Variants in DNMBP observed in about 807,000 individuals in gnomAD.
DNMBP encodes dynamin-binding protein.
In DNMBP, 87 loss-of-function variants were observed where a neutral mutation model predicts 150.0. The ratio of observed to expected loss-of-function variants is 0.58; its 90% confidence interval spans 0.49 to 0.69. The LOEUF is 0.69. DNMBP is among the 30% of genes least tolerant of loss of function. DNMBP has a pLI of 0.00. For missense variants in DNMBP, 1,774 were observed against 1,949.0 expected (o/e 0.91, Z 1.69); for synonymous variants, 711 against 750.4 (o/e 0.95, Z 0.86).
intron 13 of DNMBP, 91 bp from the exon 14 acceptor site, chr10:99,885,957 G>A (rs777645004): frequency 3.3e-5 from 40 of 1,230,500 alleles, no homozygotes; most frequent in South Asian, 1.4e-4. Flanking sequence ...GAAAGATCCC[G>A]GATTGACAGT....
At chr10:99,919,227 G>GCCC (rs1474611007) in intron 4 of DNMBP, among the ~76,000 whole-genome samples, 11 of 152,112 alleles carry the variant, frequency 7.2e-5, no homozygotes, top group Non-Finnish European at 1.3e-4. Context: ...AAACGTCAAG[G>GCCC]CCCGTTCTGG....
intron 1 of DNMBP, among the ~76,000 whole-genome samples, chr10:99,980,644 A>T (rs1438744406): frequency 9.3e-5 from 12 of 128,558 alleles, no homozygotes; most frequent in Admixed American, 3.0e-4. Context: ...AATTAGAATT[A>T]AAAAAAAAAA....
At chr10:99,963,950 T>G (rs1418040720) in intron 3 of DNMBP, among the ~76,000 whole-genome samples, 2 of 152,132 alleles carry the variant, frequency 1.3e-5, no homozygotes, top group Non-Finnish European at 2.9e-5. Context: ...ACACATGTGC[T>G]TTGACTGATG....
intron 1 of DNMBP, 80 bp from the exon 2 acceptor site, chr10:99,972,214 A>G (rs2040686002): frequency 7.6e-7 from 1 of 1,309,966 alleles, no homozygotes; most frequent in African/African-American, 1.5e-5. Flanking sequence ...GGAATGATAA[A>G]GCTTAAGATA....
intron 14 of DNMBP, 46 bp from the exon 15 acceptor site, chr10:99,884,255 C>CA (rs749911833): frequency 6.5e-7 from 1 of 1,530,294 alleles, no homozygotes; most frequent in Non-Finnish European, 9.0e-7. Context: ...GCCACTACCC[C>CA]AGCAGCCATA....
chr10:99,892,848 C>G (rs11813497), intron 11 of DNMBP, among the ~76,000 whole-genome samples: 1,809 of 152,164 alleles, frequency 0.012, 35 homozygotes, highest in African/African-American at 0.041. Context: ...AACTAAGAAG[C>G]CATAAAATGC....
intron 4 of DNMBP, among the ~76,000 whole-genome samples, chr10:99,917,968 C>CAAAAAAA (rs749252887): frequency 5.7e-5 from 3 of 52,252 alleles, no homozygotes; most frequent in African/African-American, 6.7e-5. Flanking sequence ...GACTCTGTCT[C>CAAAAAAA]AAAAAAAAAA....
At chr10:100,008,860 T>C (rs2041102688) in intron 1 of DNMBP, among the ~76,000 whole-genome samples, 1 of 152,208 alleles carries the variant, frequency 6.6e-6, no homozygotes, top group Non-Finnish European at 1.5e-5. Flanking sequence ...CAAAAACTAC[T>C]ACAGATTAAT....
intron 11 of DNMBP, among the ~76,000 whole-genome samples, chr10:99,892,369 A>G (rs892047243): frequency 1.8e-4 from 26 of 143,198 alleles, no homozygotes; most frequent in Non-Finnish European, 2.7e-4. Context: ...GTGTCTGTGT[A>G]GAAAGAAGTA....
At position 99,962,667 on chromosome 10, in the gene DNMBP, T is replaced by G. The variant is rs141100018; in HGVS notation, c.269-5462A>C. On this transcript the variant is annotated intron_variant, in intron 3 of 16. Transcript: ENST00000324109. Reference sequence around the variant, plus strand: ...CAAACAAAAAACCACAAGTAATTTTTCCCCCTCTGGCCCTAAGGCCATCCA... The same window carrying G: ...CAAACAAAAAACCACAAGTAATTTTGCCCCCTCTGGCCCTAAGGCCATCCA... Among the ~76,000 whole-genome samples the G allele has an allele frequency of 8.5e-5, 13 of 152,152 alleles. No homozygotes were observed. The East Asian group carries it at 2.5e-3, about 29-fold the overall frequency.
chr10:99,879,884 C>A lies in DNMBP; in HGVS notation c.4475G>T (p.Gly1492Val). Residue 1492 changes from glycine (G) to valine (V), a missense_variant, in exon 16 of 17, where the codon GGA becomes GTA. This residue lies in a region of DNMBP where 1,430 missense variants were observed against 1,492.5 expected (regional missense o/e 0.96). Coordinates refer to ENST00000324109, the MANE Select transcript of DNMBP (RefSeq NM_015221.4). ...RNGQSQDLVK[G>V]CARTAQAPED... Reference sequence around the variant, plus strand: ...CGGAGCCTGGGCTGTTCTTGCACATCCTTTGACGAGGTCTTGACTTTGCCC... The same window carrying A: ...CGGAGCCTGGGCTGTTCTTGCACATACTTTGACGAGGTCTTGACTTTGCCC... The A allele has an allele frequency of 6.2e-7, 1 of 1,614,226 alleles. No homozygotes were observed. Among genetic ancestry groups the A allele is most frequent in the Non-Finnish European group, 8.5e-7 (1 of 1,180,050 alleles).
At chr10:99,943,870 T>A (rs1158776948) in intron 4 of DNMBP, among the ~76,000 whole-genome samples, 1 of 152,262 alleles carries the variant, frequency 6.6e-6, no homozygotes, top group Admixed American at 6.5e-5. Flanking sequence ...CTCCAGCTTG[T>A]TAATCTACTG....
At chr10:99,879,145 C>T (rs1022174429) in intron 16 of DNMBP, among the ~76,000 whole-genome samples, 8 of 143,524 alleles carry the variant, frequency 5.6e-5, no homozygotes, top group Non-Finnish European at 1.2e-4. Context: ...AACTCATAAA[C>T]GGGAACAGGC....
intron 1 of DNMBP, among the ~76,000 whole-genome samples, chr10:100,005,764 C>CAA (rs760685767): frequency 0.014 from 537 of 37,796 alleles, 5 homozygotes; most frequent in African/African-American, 0.046. Context: ...CAAAAGTCTC[C>CAA]AAAAAAAAAA....
intron 3 of DNMBP, among the ~76,000 whole-genome samples, chr10:99,960,565 G>C (rs2040553373): frequency 6.6e-6 from 1 of 152,182 alleles, no homozygotes; most frequent in African/African-American, 2.4e-5. Flanking sequence ...CAGCACTTCG[G>C]GAGGCCGAGG....
intron 6 of DNMBP, among the ~76,000 whole-genome samples, chr10:99,904,094 C>T (rs749505661): frequency 1.3e-5 from 2 of 151,716 alleles, no homozygotes; most frequent in East Asian, 1.9e-4. Context: ...CAGAAAACAT[C>T]GGACATAAAA....
At chr10:99,897,443 C>CTATG (rs2039671851) in intron 9 of DNMBP, among the ~76,000 whole-genome samples, 1 of 152,140 alleles carries the variant, frequency 6.6e-6, no homozygotes, top group Non-Finnish European at 1.5e-5. Context: ...AGAAAAAAGT[C>CTATG]TATGCATGGA....
At chr10:99,930,800 T>C (rs566268787) in intron 4 of DNMBP, 74 of 624,854 alleles carry the variant, frequency 1.2e-4, no homozygotes, top group Non-Finnish European at 2.0e-4. Context: ...TTACTATTCT[T>C]TTCCATGGGC....
At chr10:99,931,862 A>G (rs924490641) in intron 4 of DNMBP, among the ~76,000 whole-genome samples, 9 of 152,252 alleles carry the variant, frequency 5.9e-5, no homozygotes, top group African/African-American at 1.9e-4. Context: ...AGTCCCTGGC[A>G]TGGCAAGTGG....
Sources: gnomAD v4.1 joint callset for allele counts (sites outside exome capture counted in the v4.1 genomes callset) on GRCh38, gnomAD v4.1.1 for gene constraint, gnomAD v4.1.1 regional missense constraint, MANE v1.5 for transcripts, NCBI Gene and HGNC (gene_info 2026-07-23, HGNC 2026-07-21) for gene names.